The following RNF150 variants were observed in gnomAD, a reference collection of about 807,000 sequenced individuals.
RNF150 encodes the protein ring finger protein 150.
Under a neutral mutation model 39.3 loss-of-function variants are expected in RNF150, and 24 were observed. The ratio of observed to expected loss-of-function variants is 0.61; its 90% CI spans 0.44 to 0.86. The LOEUF (loss-of-function observed/expected upper bound fraction) is 0.86. Ranked by LOEUF, RNF150 falls within the 40% of genes least tolerant of loss-of-function variation. The probability of loss-of-function intolerance (pLI) is 0.00; values close to 1 mark genes in which losing one functional copy is unlikely to be tolerated. For synonymous variants in RNF150, 255 were observed against 227.3 expected, an observed-to-expected ratio of 1.12 and a Z score of -1.10; for missense variants, 502 against 587.8, an observed-to-expected ratio of 0.85 and a Z score of 1.51.
intron 1 of RNF150, among the ~76,000 whole-genome samples, chr4:140,985,906 T>C (rs1734001830): frequency 6.6e-6 from 1 of 152,124 alleles, no homozygotes; most frequent in African/African-American, 2.4e-5. Flanking sequence ...AGTCAGTTTA[T>C]TGACAGATTT....
intron 1 of RNF150, among the ~76,000 whole-genome samples, chr4:141,206,916 CT>C (rs1244847808): frequency 6.6e-6 from 1 of 152,022 alleles, no homozygotes; most frequent in African/African-American, 2.4e-5. Flanking sequence ...CCCCGAGAAG[CT>C]GCTGGTGCAA....
At chr4:141,001,614 T>C (rs879889935) in intron 1 of RNF150, among the ~76,000 whole-genome samples, 11 of 152,118 alleles carry the variant, frequency 7.2e-5, no homozygotes, top group Admixed American at 7.2e-4. Context: ...TCCAAAACCA[T>C]GTGCTTACAT....
chr4:141,180,823 T>C (rs1311756634), intron 1 of RNF150, among the ~76,000 whole-genome samples: 1 of 152,196 alleles, frequency 6.6e-6, no homozygotes, highest in African/African-American at 2.4e-5. Context: ...TTGTTTTCCT[T>C]TTTCCATGGA....
chr4:140,989,225 A>T (rs1734112899), intron 1 of RNF150, among the ~76,000 whole-genome samples: 2 of 152,118 alleles, frequency 1.3e-5, no homozygotes. Flanking sequence ...GTTGGAAAAT[A>T]GGATTAAGAG....
At chr4:141,012,237 ACAGATTCCTGCC>A (rs1483818212) in intron 1 of RNF150, among the ~76,000 whole-genome samples, 1 of 152,208 alleles carries the variant, frequency 6.6e-6, no homozygotes, top group African/African-American at 2.4e-5. Context: ...GCAAACACAG[ACAGATTCCTGCC>A]CATCCTGGGC....
intron 1 of RNF150, among the ~76,000 whole-genome samples, chr4:141,187,048 A>T (rs1453826542): frequency 6.6e-6 from 1 of 152,136 alleles, no homozygotes; most frequent in Admixed American, 6.6e-5. Flanking sequence ...CTTCTGGTAC[A>T]TTGTGTCTTT....
At chr4:140,994,372 T>C (rs1447210486) in intron 1 of RNF150, among the ~76,000 whole-genome samples, 1 of 152,230 alleles carries the variant, frequency 6.6e-6, no homozygotes. Context: ...TGTGTGCCTA[T>C]CTGACCATGA....
chr4:141,001,918 A>C (rs1481212269), intron 1 of RNF150, among the ~76,000 whole-genome samples: 1 of 152,170 alleles, frequency 6.6e-6, no homozygotes, highest in Non-Finnish European at 1.5e-5. Context: ...TAAGCAGTTT[A>C]CAAGAAAAGC....
At chr4:141,087,862 G>C (rs1738427174) in intron 1 of RNF150, among the ~76,000 whole-genome samples, 1 of 151,942 alleles carries the variant, frequency 6.6e-6, no homozygotes, top group African/African-American at 2.4e-5. Flanking sequence ...AAAAGTACGT[G>C]CTTACAGGAT....
chr4:141,100,747 G>A (rs535476771), intron 1 of RNF150, among the ~76,000 whole-genome samples: 49 of 152,238 alleles, frequency 3.2e-4, no homozygotes, highest in African/African-American at 1.1e-3. Context: ...ATCATAGAGT[G>A]TACTTAACAT....
intron 5 of RNF150, among the ~76,000 whole-genome samples, chr4:140,917,876 G>C (rs1730909600): frequency 6.6e-6 from 1 of 151,838 alleles, no homozygotes; most frequent in Non-Finnish European, 1.5e-5. Flanking sequence ...TAGAACTCCG[G>C]ATTAAGAAAC....
intron 1 of RNF150, among the ~76,000 whole-genome samples, chr4:141,072,794 G>A (rs751207198): frequency 1.3e-5 from 2 of 152,078 alleles, no homozygotes; most frequent in Non-Finnish European, 2.9e-5. Context: ...TAACAGAATA[G>A]CATCATATTC....
intron 1 of RNF150, among the ~76,000 whole-genome samples, chr4:141,166,953 G>A (rs1014501825): frequency 3.4e-4 from 51 of 152,042 alleles, no homozygotes; most frequent in African/African-American, 1.2e-3. Context: ...GGGAAATCAG[G>A]CAAGAGAAAG....
intron 1 of RNF150, among the ~76,000 whole-genome samples, chr4:141,004,349 G>A (rs564923267): frequency 3.3e-5 from 5 of 152,274 alleles, no homozygotes; most frequent in African/African-American, 4.8e-5. Context: ...AGGGTTAGGA[G>A]TCAAGAAAGG....
chr4:140,977,947 C>T (rs1379822344), intron 1 of RNF150, among the ~76,000 whole-genome samples: 1 of 152,126 alleles, frequency 6.6e-6, no homozygotes, highest in Non-Finnish European at 1.5e-5. Flanking sequence ...AAATATGTAT[C>T]TTTCCTGAAA....
At chr4:141,092,806 C>G (rs11100705) in intron 1 of RNF150, among the ~76,000 whole-genome samples, 116,633 of 150,870 alleles carry the variant, frequency 0.77, 45,188 homozygotes, top group East Asian at 0.87. Flanking sequence ...AATACAAAAG[C>G]ATTTGGCTTA....
At chr4:141,144,303 T>G (rs1727167024) in intron 1 of RNF150, among the ~76,000 whole-genome samples, 1 of 152,218 alleles carries the variant, frequency 6.6e-6, no homozygotes, top group South Asian at 2.1e-4. Flanking sequence ...TCCAAAAATA[T>G]AATCCTTATC....
At chr4:140,971,085 G>C (rs1733445856) in intron 1 of RNF150, among the ~76,000 whole-genome samples, 1 of 152,092 alleles carries the variant, frequency 6.6e-6, no homozygotes, top group Non-Finnish European at 1.5e-5. Flanking sequence ...ACAAAATCCA[G>C]GGCAAAATGC....
chr4:141,114,981 T>C (rs1739504056), intron 1 of RNF150, among the ~76,000 whole-genome samples: 1 of 152,134 alleles, frequency 6.6e-6, no homozygotes, highest in Admixed American at 6.6e-5. Flanking sequence ...TAGATATTGA[T>C]GGAACATATC....
Sources: allele counts gnomAD v4.1 joint callset (sites outside exome capture counted in the v4.1 genomes callset), GRCh38; gene constraint gnomAD v4.1.1; transcripts MANE v1.5; gene names NCBI Gene and HGNC (gene_info 2026-07-23, HGNC 2026-07-21).